Variants in ERBB4 observed in about 807,000 individuals in gnomAD.
The protein encoded by ERBB4 is receptor tyrosine-protein kinase erbB-4.
ERBB4 carries 42 observed loss-of-function variants against 158.0 expected under a neutral mutation model. The observed-to-expected ratio is 0.27, with a 90% CI of 0.21 to 0.34. ERBB4 has a LOEUF of 0.34. ERBB4 is among the 10% of genes least tolerant of loss of function. The pLI is 1.00. For synonymous variants in ERBB4, 583 were observed against 558.7 expected (o/e 1.04, Z -0.61); for missense variants, 1,333 against 1,624.1 (o/e 0.82, Z 3.08).
Position 212,364,581 on chromosome 2 carries a change from T to C in ERBB4, c.82+173868A>G, listed in dbSNP as rs147918129. Among the ~76,000 whole-genome samples the C allele has an allele frequency of 1.7e-3, 261 of 151,924 alleles. 2 individuals are homozygous for C. The highest frequency in any genetic ancestry group is 5.9e-3 in the African/African-American group (246 of 41,510). On this transcript the variant is annotated intron_variant, in intron 1 of 27. Transcript: ENST00000342788. ...GAAGCTGAATCAGCTGTGACCATAATGATGCAAAGTTTTGATTATTATGGC... is the reference window on the plus strand; with the variant it reads ...GAAGCTGAATCAGCTGTGACCATAACGATGCAAAGTTTTGATTATTATGGC...
intron 1 of ERBB4, among the ~76,000 whole-genome samples, chr2:212,524,842 AT>A (rs1460761043): frequency 6.6e-6 from 1 of 152,052 alleles, no homozygotes; most frequent in Non-Finnish European, 1.5e-5. Flanking sequence ...TGGAAAAATT[AT>A]TTTTATATGT....
intron 1 of ERBB4, among the ~76,000 whole-genome samples, chr2:212,171,643 A>G (rs921945087): frequency 6.6e-6 from 1 of 152,086 alleles, no homozygotes; most frequent in Non-Finnish European, 1.5e-5. Context: ...TGTTCTTATA[A>G]TAGTGAGCTA....
At chr2:212,262,940 A>G (rs1207647294) in intron 1 of ERBB4, among the ~76,000 whole-genome samples, 1 of 152,156 alleles carries the variant, frequency 6.6e-6, no homozygotes, top group Non-Finnish European at 1.5e-5. Context: ...TATTGGGTTG[A>G]AGATTGTCCC....
intron 20 of ERBB4, among the ~76,000 whole-genome samples, chr2:211,450,681 T>C (rs1407465183): frequency 1.3e-5 from 2 of 152,222 alleles, no homozygotes; most frequent in African/African-American, 4.8e-5. Flanking sequence ...AATGTTTATA[T>C]TATTCAGGTT....
chr2:212,532,335 G>A (rs1467735604), intron 1 of ERBB4, among the ~76,000 whole-genome samples: 2 of 152,172 alleles, frequency 1.3e-5, no homozygotes, highest in Non-Finnish European at 2.9e-5. Flanking sequence ...TCAACGGCAG[G>A]GGCCTCAAAG....
chr2:212,246,626 G>A (rs571337095), intron 1 of ERBB4, among the ~76,000 whole-genome samples: 1 of 152,164 alleles, frequency 6.6e-6, no homozygotes, highest in South Asian at 2.1e-4. Flanking sequence ...GTGGTGTGCA[G>A]AAGATGAGAA....
At chr2:211,796,899 C>T (rs2076394444) in intron 3 of ERBB4, among the ~76,000 whole-genome samples, 1 of 151,806 alleles carries the variant, frequency 6.6e-6, no homozygotes, top group Admixed American at 6.6e-5. Context: ...GTTAAGAGAT[C>T]TGGTTCAATG....
At chr2:211,955,935 C>T (rs953868140) in intron 2 of ERBB4, among the ~76,000 whole-genome samples, 1 of 151,752 alleles carries the variant, frequency 6.6e-6, no homozygotes, top group African/African-American at 2.4e-5. Context: ...AAGTTGGAAG[C>T]TTTGGTAGAT....
At chr2:212,308,268 T>C (rs1292034314) in intron 1 of ERBB4, among the ~76,000 whole-genome samples, 15 of 151,158 alleles carry the variant, frequency 9.9e-5, no homozygotes, top group South Asian at 4.1e-4. Context: ...CAAATTATAG[T>C]ATATTCGGAA....
intron 2 of ERBB4, among the ~76,000 whole-genome samples, chr2:212,001,791 TA>T (rs1299567052): frequency 6.6e-6 from 1 of 152,324 alleles, no homozygotes; most frequent in Admixed American, 6.5e-5. Context: ...TTTAAAATAA[TA>T]TGTACAAATT....
chr2:211,984,559 G>T (rs2081889975), intron 2 of ERBB4, among the ~76,000 whole-genome samples: 1 of 151,946 alleles, frequency 6.6e-6, no homozygotes, highest in Non-Finnish European at 1.5e-5. Flanking sequence ...ATTATGAATT[G>T]CTGAAGGCAG....
intron 3 of ERBB4, among the ~76,000 whole-genome samples, chr2:211,795,496 G>T (rs2076364777): frequency 6.6e-6 from 1 of 151,766 alleles, no homozygotes; most frequent in Non-Finnish European, 1.5e-5. Context: ...TATTAGATTA[G>T]GTTGTAGTTT....
chr2:212,135,493 TTC>T (rs1387056856), intron 1 of ERBB4, among the ~76,000 whole-genome samples: 3 of 152,220 alleles, frequency 2.0e-5, no homozygotes, highest in South Asian at 2.1e-4. Flanking sequence ...TATATATATA[TTC>T]TGTCTTTATT....
In ERBB4 at chr2:212,055,501, C is replaced by T. The variant is rs376294765; in HGVS notation, c.234+69251G>A. ...CCCCCTCAAGTGGGTACCTGACCCC[C>T]GAGTAGCCTAACTGGGAGGCACCCT... On this transcript the variant is annotated intron_variant, in intron 2 of 27. Transcript: ENST00000342788. Among the ~76,000 whole-genome samples the T allele has an allele frequency of 3.6e-4, 55 of 152,338 alleles. 1 individual carries two copies. The East Asian group carries it at 7.9e-3, about 22-fold the overall frequency.
At chr2:212,438,889 T>G (rs879873233) in intron 1 of ERBB4, among the ~76,000 whole-genome samples, 16 of 152,000 alleles carry the variant, frequency 1.1e-4, no homozygotes, top group Admixed American at 2.0e-4. Context: ...ACAAATAGAA[T>G]AAAGAAGCAA....
chr2:212,229,776 T>A (rs1033438079), intron 1 of ERBB4, among the ~76,000 whole-genome samples: 1 of 152,164 alleles, frequency 6.6e-6, no homozygotes, highest in Non-Finnish European at 1.5e-5. Flanking sequence ...TGTATTATTT[T>A]ACAGTATTTA....
At chr2:212,339,194 T>A (rs963237653) in intron 1 of ERBB4, among the ~76,000 whole-genome samples, 10 of 152,092 alleles carry the variant, frequency 6.6e-5, no homozygotes, top group African/African-American at 2.4e-4. Context: ...GCCCAGTGTG[T>A]GTTGTTCCCC....
chr2:211,639,325 T>G (rs2070482813), intron 16 of ERBB4, among the ~76,000 whole-genome samples: 1 of 152,180 alleles, frequency 6.6e-6, no homozygotes, highest in African/African-American at 2.4e-5. Flanking sequence ...GACAAGGTAA[T>G]ATGAAGCAAT....
At position 212,299,663 on chromosome 2, in the gene ERBB4, G is replaced by A. The variant is rs187091245; in HGVS notation, c.83-174760C>T. 7.9e-5 allele frequency among the ~76,000 whole-genome samples: 12 copies of A among 151,604 alleles called. No individual in the cohort carries two copies. In the South Asian group the frequency reaches 8.3e-4, roughly 11 times the overall value. Reference sequence around the variant, plus strand: ...ATTTAGAAATAATAGCCCATATAATGCCAGCATGGTATCACCATCTTAGGC... The same window carrying A: ...ATTTAGAAATAATAGCCCATATAATACCAGCATGGTATCACCATCTTAGGC... On this transcript the variant is annotated intron_variant, in intron 1 of 27. Coordinates refer to ENST00000342788, the MANE Select transcript of ERBB4 (RefSeq NM_005235.3).
Sources: allele counts gnomAD v4.1 joint callset (sites outside exome capture counted in the v4.1 genomes callset), GRCh38; gene constraint gnomAD v4.1.1; transcripts MANE v1.5; gene names NCBI Gene and HGNC (gene_info 2026-07-23, HGNC 2026-07-21).